Variants in ASF1A observed in about 807,000 individuals in gnomAD.
ASF1A encodes the protein anti-silencing function 1A histone chaperone.
ASF1A carries 5 observed loss-of-function variants against 22.0 expected under a neutral mutation model. That is an observed-to-expected ratio of 0.23 (90% CI 0.12 to 0.48). The LOEUF (loss-of-function observed/expected upper bound fraction) is 0.48. ASF1A is among the 20% of genes least tolerant of loss of function. The pLI, the probability that ASF1A is intolerant of heterozygous loss-of-function variation, is 0.99. For synonymous variants in ASF1A, 97 were observed against 86.7 expected (o/e 1.12, Z -0.66); for missense variants, 137 against 240.6 (o/e 0.57, Z 2.85).
intron 2 of ASF1A, among the ~76,000 whole-genome samples, chr6:118,903,654 C>CA (rs1217309649): frequency 6.6e-6 from 1 of 152,008 alleles, no homozygotes; most frequent in Non-Finnish European, 1.5e-5. Context: ...ATGTAAGCTC[C>CA]AAAAAAGATT....
intron 1 of ASF1A, among the ~76,000 whole-genome samples, chr6:118,895,477 G>T (rs1230769554): frequency 6.6e-6 from 1 of 152,208 alleles, no homozygotes; most frequent in African/African-American, 2.4e-5. Flanking sequence ...TCAAGACCGT[G>T]TTGAAATCTA....
intron 1 of ASF1A, among the ~76,000 whole-genome samples, chr6:118,898,593 C>T (rs912889379): frequency 5.3e-5 from 8 of 151,826 alleles, no homozygotes; most frequent in Non-Finnish European, 1.2e-4. Context: ...AATTTTTGTA[C>T]TTTTAGTAGA....
At chr6:118,905,571 T>C (rs1780125638) in intron 2 of ASF1A, 81 bp from the exon 3 acceptor site, 1 of 1,137,528 alleles carries the variant, frequency 8.8e-7, no homozygotes, top group Non-Finnish European at 1.2e-6. Context: ...CTGATGGTTC[T>C]AGGTAACTGA....
chr6:118,902,299 A>G (rs1340849049), intron 2 of ASF1A, among the ~76,000 whole-genome samples: 1 of 152,150 alleles, frequency 6.6e-6, no homozygotes, highest in African/African-American at 2.4e-5. Flanking sequence ...TAAAATGTGG[A>G]TAATATTCTA....
At chr6:118,902,492 A>G (rs1201812883) in intron 2 of ASF1A, among the ~76,000 whole-genome samples, 1 of 151,358 alleles carries the variant, frequency 6.6e-6, no homozygotes, top group Non-Finnish European at 1.5e-5. Flanking sequence ...TTCATGATAC[A>G]GTAAAAGAAA....
At chr6:118,899,300 T>G (rs1779647314) in intron 1 of ASF1A, among the ~76,000 whole-genome samples, 1 of 152,030 alleles carries the variant, frequency 6.6e-6, no homozygotes, top group African/African-American at 2.4e-5. Context: ...AAAGCCAGAG[T>G]CCTTATGATG....
At chr6:118,901,950 C>G (rs562179468) in intron 2 of ASF1A, among the ~76,000 whole-genome samples, 3 of 152,282 alleles carry the variant, frequency 2.0e-5, no homozygotes, top group African/African-American at 7.2e-5. Context: ...CATGCCATCT[C>G]TAGAGCTGCT....
chr6:118,898,967 T>C (rs1236067436), intron 1 of ASF1A, among the ~76,000 whole-genome samples: 1 of 152,198 alleles, frequency 6.6e-6, no homozygotes, highest in Non-Finnish European at 1.5e-5. Context: ...TCAGTATCTC[T>C]GCTTAGAAGC....
At chr6:118,898,491 C>G (rs1283764355) in intron 1 of ASF1A, among the ~76,000 whole-genome samples, 2 of 147,954 alleles carry the variant, frequency 1.4e-5, no homozygotes, top group Non-Finnish European at 3.0e-5. Flanking sequence ...GTGGCGCGAT[C>G]TCGGCTCACT....
At chr6:118,897,469 C>G (rs956265854) in intron 1 of ASF1A, among the ~76,000 whole-genome samples, 3 of 151,958 alleles carry the variant, frequency 2.0e-5, no homozygotes, top group Non-Finnish European at 4.4e-5. Context: ...TTAATTACAG[C>G]TACTGTCAAT....
rs377576274 is a variant in ASF1A at position 118,903,133 on chromosome 6, A to G, written c.225+2252A>G. 6.6e-5 allele frequency among the ~76,000 whole-genome samples: 10 copies of G among 152,372 alleles called. No homozygotes were observed. In the East Asian group the frequency reaches 9.6e-4, roughly 15 times the overall value. ...CAGATTTTAAAACAGAAACATGCCT[A>G]GAACCAATTTACTGAAGGGAACCAA... On this transcript the variant is annotated intron_variant, in intron 2 of 3. Transcript: ENST00000229595.
At chr6:118,895,984 A>G (rs934255719) in intron 1 of ASF1A, among the ~76,000 whole-genome samples, 7 of 151,878 alleles carry the variant, frequency 4.6e-5, no homozygotes, top group Non-Finnish European at 1.0e-4. Flanking sequence ...CTCTGTACTC[A>G]GTGCCTTGCC....
chr6:118,896,090 T>C (rs956778265), intron 1 of ASF1A, among the ~76,000 whole-genome samples: 3 of 151,092 alleles, frequency 2.0e-5, no homozygotes, highest in Admixed American at 1.3e-4. Context: ...CACATACATA[T>C]ATAGGGCAAA....
chr6:118,907,384 G>A lies in ASF1A; in HGVS notation c.403-18G>A. On this transcript the variant is annotated intron_variant, in intron 3 of 3. Transcript: ENST00000229595. ...CTTTCTTAGTGTTTACCATTTGTAT[G>A]TTTCCTTTTTCCTCTAGCTTCAAAG... is the stretch of plus-strand genomic sequence containing the variant. 6.5e-7 allele frequency: 1 copy of A among 1,533,548 alleles called. No homozygotes were observed. The highest frequency in any genetic ancestry group is 1.2e-5 in the South Asian group (1 of 85,092). 95.0% of individuals were successfully genotyped at this position (1,533,548 alleles called of 1,614,324 possible). A position where few individuals can be genotyped will look rare whatever the true frequency, so the allele number is the denominator to read the frequency against.
chr6:118,895,210 GCGC>G (rs1779298928), intron 1 of ASF1A, among the ~76,000 whole-genome samples: 1 of 151,968 alleles, frequency 6.6e-6, no homozygotes, highest in South Asian at 2.1e-4. Context: ...CGCGGGCTGG[GCGC>G]CGGCGCTCCC....
chr6:118,904,394 C>G (rs1780024098), intron 2 of ASF1A, among the ~76,000 whole-genome samples: 1 of 152,194 alleles, frequency 6.6e-6, no homozygotes, highest in South Asian at 2.1e-4. Flanking sequence ...GGCTAAAGTG[C>G]TCATCTAGGC....
chr6:118,901,076 C>T (rs1779770953), intron 2 of ASF1A, 195 bp downstream of exon 2: 6 of 509,760 alleles, frequency 1.2e-5, no homozygotes, highest in South Asian at 1.1e-4. Flanking sequence ...GTTTTATATG[C>T]TGAGAGATGT....
rs141534979 is a variant in ASF1A, at chr6:118,896,786, T to G, written c.109+2264T>G. 3.6e-4 allele frequency among the ~76,000 whole-genome samples: 55 copies of G among 152,222 alleles called. No homozygotes were observed. The East Asian group carries it at 9.7e-3, about 27-fold the overall frequency. ...AAAGGCTTCTAATAGGTTCCATACT[T>G]TTATATTACAGTTCTTTTAAAAATT... On this transcript the variant is annotated intron_variant, in intron 1 of 3. Transcript: ENST00000229595.
chr6:118,903,330 AAG>A (rs1441378882), intron 2 of ASF1A, among the ~76,000 whole-genome samples: 1 of 152,158 alleles, frequency 6.6e-6, no homozygotes, highest in Non-Finnish European at 1.5e-5. Context: ...TCTCCAGGAC[AAG>A]GCTGGCTGTC....
Sources: allele counts gnomAD v4.1 joint callset (sites outside exome capture counted in the v4.1 genomes callset), GRCh38; gene constraint gnomAD v4.1.1; transcripts MANE v1.5; gene names NCBI Gene and HGNC (gene_info 2026-07-23, HGNC 2026-07-21).